The following NDUFA9 variants were observed in gnomAD, a reference collection of about 807,000 sequenced individuals.
NDUFA9 encodes the protein NADH dehydrogenase [ubiquinone] 1 alpha subcomplex subunit 9, mitochondrial.
Under a neutral mutation model 45.9 loss-of-function variants are expected in NDUFA9, and 23 were observed. That is an observed-to-expected ratio of 0.50 (90% confidence interval 0.36 to 0.71). NDUFA9 has a LOEUF of 0.71. Ranked by LOEUF, NDUFA9 falls within the 30% of genes least tolerant of loss-of-function variation. NDUFA9 has a pLI of 0.00. For missense variants in NDUFA9, 466 were observed against 488.2 expected, an observed-to-expected ratio of 0.95 and a Z score of 0.43; for synonymous variants, 176 against 170.5, an observed-to-expected ratio of 1.03 and a Z score of -0.25.
intron 3 of NDUFA9, chr12:4,657,493 G>A (rs947968626): frequency 5.4e-6 from 2 of 367,556 alleles, no homozygotes; most frequent in Non-Finnish European, 4.9e-6. Flanking sequence ...AAAATCAATA[G>A]CCTCCTTTTT....
In NDUFA9 at chr12:4,690,799, G is replaced by A. The variant is rs1002901017; in HGVS notation, c.*3691G>A. On this transcript the variant is annotated 3_prime_UTR_variant, in exon 11 of 11. Transcript: ENST00000266544. ...AAGATCTCTGAGAAGATAAAGAAAG[G>A]TCTCTGGAAGGATTAGCAAAAACTC... is the stretch of plus-strand genomic sequence containing the variant. 6.6e-6 allele frequency: 1 copy of A among 152,134 alleles called. No homozygotes were observed. The highest frequency in any genetic ancestry group is 2.4e-5 in the African/African-American group (1 of 41,432). 9.4% of individuals were successfully genotyped at this position (152,134 alleles called of 1,614,324 possible).
chr12:4,685,135 T>A, intron 9 of NDUFA9, 124 bp from the exon 10 acceptor site: 2 of 733,490 alleles, frequency 2.7e-6, no homozygotes, highest in Non-Finnish European at 4.6e-6. Context: ...GTTATTTTCT[T>A]AAAAAAAAAA....
intron 1 of NDUFA9, among the ~76,000 whole-genome samples, chr12:4,650,356 GCTGGTTCTTGTTAAA>G (rs1209983490): frequency 2.0e-5 from 3 of 152,136 alleles, no homozygotes; most frequent in African/African-American, 7.2e-5. Context: ...AAAGACATTT[GCTGGTTCTTGTTAAA>G]CTATTACAAT....
intron 1 of NDUFA9, among the ~76,000 whole-genome samples, 194 bp downstream of exon 1, chr12:4,649,369 C>T (rs11831461): frequency 5.3e-4 from 81 of 152,272 alleles, no homozygotes; most frequent in African/African-American, 1.7e-3. Context: ...AATTGTGCAC[C>T]ACCTTGGGAG....
At chr12:4,650,945 G>A (rs1945756019) in intron 1 of NDUFA9, among the ~76,000 whole-genome samples, 1 of 152,090 alleles carries the variant, frequency 6.6e-6, no homozygotes, top group East Asian at 1.9e-4. Flanking sequence ...AGTTTAGATC[G>A]GTAGTCTCCA....
rs993682535 is a variant in NDUFA9, at chr12:4,687,601, T to C, written c.*493T>C. ...GTAGTACATATATAGAAAAACATTG[T>C]CCATAGATTCTCAAACCCCTTGCAG... On this transcript the variant is annotated 3_prime_UTR_variant, in exon 11 of 11. Transcript: ENST00000266544. 1.3e-5 allele frequency: 2 copies of C among 152,290 alleles called. No homozygotes were observed. Among genetic ancestry groups the C allele is most frequent in the African/African-American group, 4.8e-5 (2 of 41,464 alleles). 9.4% of individuals were successfully genotyped at this position (152,290 alleles called of 1,614,324 possible). A position where few individuals can be genotyped will look rare whatever the true frequency, so the allele number is the denominator to read the frequency against.
Position 4,684,919 on chromosome 12 carries a change from T to A in NDUFA9, c.897-340T>A, listed in dbSNP as rs181658468. On this transcript the variant is annotated intron_variant, in intron 9 of 10. Coordinates refer to ENST00000266544, the MANE Select transcript of NDUFA9 (RefSeq NM_005002.5). The stretch of plus-strand genomic sequence containing the variant: ...AGGCAGCATATTTGAATATCTGAGG[T>A]TTAGATTAAATTGAATTTCACAGAC... The A allele has an allele frequency of 2.4e-3, 1,360 of 573,476 alleles. 10 individuals carry two copies. The highest frequency in any genetic ancestry group is 6.6e-3 in the South Asian group (275 of 41,492). The allele number at this position is 573,476 out of a possible 1,614,324, so 35.5% of individuals were successfully genotyped here.
At chr12:4,674,787 C>T (rs989949897) in intron 8 of NDUFA9, among the ~76,000 whole-genome samples, 2 of 152,148 alleles carry the variant, frequency 1.3e-5, no homozygotes, top group African/African-American at 4.8e-5. Context: ...CAAGGATATC[C>T]AGGACTTGAA....
At chr12:4,652,330 A>G (rs1319951022) in intron 1 of NDUFA9, among the ~76,000 whole-genome samples, 5 of 152,222 alleles carry the variant, frequency 3.3e-5, no homozygotes, top group Non-Finnish European at 7.3e-5. Context: ...TTTAAAACAA[A>G]CAAACAAACC....
intron 8 of NDUFA9, among the ~76,000 whole-genome samples, chr12:4,670,551 G>C (rs1182191740): frequency 6.6e-6 from 1 of 152,120 alleles, no homozygotes; most frequent in Non-Finnish European, 1.5e-5. Flanking sequence ...AGAAATGTTT[G>C]CCTCTAGAGG....
intron 3 of NDUFA9, 83 bp downstream of exon 3, chr12:4,655,005 C>T (rs1945781644): frequency 3.5e-6 from 4 of 1,149,172 alleles, no homozygotes; most frequent in Non-Finnish European, 2.5e-6. Context: ...TATAATAAAG[C>T]AGTAATTTCT....
At position 4,664,322 on chromosome 12, in the gene NDUFA9, A is replaced by C. The variant is rs113996292; in HGVS notation, c.655+1687A>C. ...CCAGGAATAGAGATGAGATTACATC[A>C]GCAAAGTCACCACCAGTTTGAACTA... On this transcript the variant is annotated intron_variant, in intron 6 of 10. Coordinates refer to ENST00000266544, the MANE Select transcript of NDUFA9 (RefSeq NM_005002.5). 4.4e-3 allele frequency among the ~76,000 whole-genome samples: 665 copies of C among 152,368 alleles called. 9 individuals are homozygous for C. The highest frequency in any genetic ancestry group is 0.015 in the African/African-American group (640 of 41,590).
intron 8 of NDUFA9, among the ~76,000 whole-genome samples, chr12:4,673,477 A>G (rs1029233028): frequency 3.3e-5 from 5 of 152,244 alleles, no homozygotes; most frequent in Non-Finnish European, 5.9e-5. Context: ...TTAGAGAACA[A>G]CATAAATGAC....
At chr12:4,682,429 A>C in intron 9 of NDUFA9, 129 bp downstream of exon 9, 1 of 499,230 alleles carries the variant, frequency 2.0e-6, no homozygotes, top group Non-Finnish European at 3.6e-6. Flanking sequence ...TTATGACATT[A>C]GCATAGAGAA....
At chr12:4,680,635 G>A (rs564242641) in intron 8 of NDUFA9, among the ~76,000 whole-genome samples, 3 of 152,282 alleles carry the variant, frequency 2.0e-5, no homozygotes, top group East Asian at 1.9e-4. Context: ...TGCTCTTGGC[G>A]TAGCATGTAT....
chr12:4,670,880 A>G (rs1017877456), intron 8 of NDUFA9, among the ~76,000 whole-genome samples: 1 of 152,228 alleles, frequency 6.6e-6, no homozygotes, highest in Non-Finnish European at 1.5e-5. Flanking sequence ...CAGGGAATAA[A>G]TGAGCGGAAA....
chr12:4,660,181 T>G (rs1294876597), intron 5 of NDUFA9, among the ~76,000 whole-genome samples: 2 of 152,186 alleles, frequency 1.3e-5, no homozygotes, highest in African/African-American at 4.8e-5. Flanking sequence ...AGTCTTAGCC[T>G]TAGTTGCACA....
chr12:4,672,318 C>A (rs1047203944), intron 8 of NDUFA9, among the ~76,000 whole-genome samples: 1 of 152,322 alleles, frequency 6.6e-6, no homozygotes, highest in Admixed American at 6.5e-5. Flanking sequence ...TTTGGGCAGA[C>A]ACTGGGCTAG....
At chr12:4,659,790 G>A (rs1372465997) in intron 5 of NDUFA9, among the ~76,000 whole-genome samples, 2 of 152,174 alleles carry the variant, frequency 1.3e-5, no homozygotes, top group Admixed American at 1.3e-4. Context: ...TTTGGATTCT[G>A]CCATATGGAA....
Sources: allele counts gnomAD v4.1 joint callset (sites outside exome capture counted in the v4.1 genomes callset), GRCh38; gene constraint gnomAD v4.1.1; transcripts MANE v1.5; gene names NCBI Gene and HGNC (gene_info 2026-07-23, HGNC 2026-07-21).